Variants in ATG2B observed in about 807,000 individuals in gnomAD.
ATG2B encodes the protein autophagy-related protein 2 homolog B.
ATG2B carries 121 observed loss-of-function variants against 241.3 expected under a neutral mutation model. The observed-to-expected ratio is 0.50, with a 90% CI of 0.43 to 0.58. The LOEUF (loss-of-function observed/expected upper bound fraction) is 0.58. Among genes scored for constraint, ATG2B ranks in the 20% least tolerant of loss-of-function variants. ATG2B has a pLI of 0.00. For missense variants in ATG2B, 2,306 were observed against 2,491.6 expected (o/e 0.93, Z 1.59); for synonymous variants, 858 against 876.6 (o/e 0.98, Z 0.37).
intron 41 of ATG2B, among the ~76,000 whole-genome samples, chr14:96,286,813 G>A (rs997454376): frequency 1.3e-5 from 2 of 152,004 alleles, no homozygotes; most frequent in African/African-American, 2.4e-5. Flanking sequence ...CTTCAGTGAT[G>A]GGGACAGCAT....
Position 96,279,207 on chromosome 14 carries a change from GA to G in ATG2B, c.*6547del, listed in dbSNP as rs1366360903. 1 of 151,966 alleles carries G rather than the reference GA, an allele frequency of 6.6e-6. No individual in the cohort carries two copies. Among genetic ancestry groups the G allele is most frequent in the African/African-American group, 2.4e-5 (1 of 41,290 alleles). 9.4% of individuals were successfully genotyped at this position (151,966 alleles called of 1,614,324 possible). On this transcript the variant is annotated 3_prime_UTR_variant, in exon 42 of 42. Coordinates refer to ENST00000359933, the MANE Select transcript of ATG2B (RefSeq NM_018036.7). Reference sequence around the variant, plus strand: ...GCCACATAGGAAATAGTCAATCAATGATGAACTTTTATTTCATATATATTTA... The same window carrying G: ...GCCACATAGGAAATAGTCAATCAATGTGAACTTTTATTTCATATATATTTA...
chr14:96,358,248 C>A (rs1362375680), intron 1 of ATG2B, among the ~76,000 whole-genome samples: 3 of 152,004 alleles, frequency 2.0e-5, no homozygotes, highest in Admixed American at 6.6e-5. Context: ...TCAGCCTGGG[C>A]AACATAGTGA....
At chr14:96,336,334 C>G (rs1887867746) in intron 6 of ATG2B, among the ~76,000 whole-genome samples, 1 of 152,120 alleles carries the variant, frequency 6.6e-6, no homozygotes, top group Non-Finnish European at 1.5e-5. Flanking sequence ...AAATCCAGAA[C>G]TTGTCTTTTT....
intron 34 of ATG2B, among the ~76,000 whole-genome samples, chr14:96,296,322 C>A (rs1196233528): frequency 6.6e-6 from 1 of 152,148 alleles, no homozygotes; most frequent in Admixed American, 6.5e-5. Context: ...ACAAAAACTG[C>A]ATGGCTCTGT....
intron 34 of ATG2B, among the ~76,000 whole-genome samples, chr14:96,296,943 T>C (rs947055854): frequency 3.1e-4 from 47 of 152,048 alleles, no homozygotes; most frequent in African/African-American, 1.1e-3. Context: ...GAGAAGGATA[T>C]CCTAGGTAAC....
intron 29 of ATG2B, among the ~76,000 whole-genome samples, chr14:96,307,175 G>A (rs889397157): frequency 6.6e-6 from 1 of 152,116 alleles, no homozygotes; most frequent in Non-Finnish European, 1.5e-5. Context: ...ACTTTAGAAG[G>A]CCGAGATGGG....
At chr14:96,344,616 C>A (rs374009960) in intron 4 of ATG2B, 38 bp downstream of exon 4, 3 of 1,199,538 alleles carry the variant, frequency 2.5e-6, no homozygotes, top group Admixed American at 3.9e-5. Context: ...ATCAGAGTTA[C>A]AATAGGGTCA....
intron 29 of ATG2B, among the ~76,000 whole-genome samples, chr14:96,308,273 TA>T (rs1887049082): frequency 7.6e-5 from 3 of 39,424 alleles, no homozygotes; most frequent in Admixed American, 2.8e-4. Flanking sequence ...TATATATATA[TA>T]TATATATATT....
intron 2 of ATG2B, among the ~76,000 whole-genome samples, chr14:96,346,597 T>C (rs960609335): frequency 6.6e-6 from 1 of 152,200 alleles, no homozygotes; most frequent in African/African-American, 2.4e-5. Flanking sequence ...CCAACATACC[T>C]GTCACCTAGA....
chr14:96,357,269 T>C (rs1252276276), intron 1 of ATG2B, among the ~76,000 whole-genome samples: 1 of 152,212 alleles, frequency 6.6e-6, no homozygotes, highest in Admixed American at 6.5e-5. Flanking sequence ...TCCTTTACAA[T>C]TTAAAATGTT....
At chr14:96,321,539 G>A (rs1887457004) in intron 18 of ATG2B, among the ~76,000 whole-genome samples, 1 of 152,116 alleles carries the variant, frequency 6.6e-6, no homozygotes, top group Non-Finnish European at 1.5e-5. Flanking sequence ...TTACAGAAGA[G>A]GATGCTGAGT....
In ATG2B at chr14:96,322,195, A is replaced by T. The variant is rs1320920981; in HGVS notation, c.2796T>A (p.Asn932Lys). Reference protein sequence around the residue: ...MTEFQDKAISNSHYVLELTLP... With the variant: ...MTEFQDKAISKSHYVLELTLP... ...ACGTAAGTTCCAGCACATAGTGAGA[A>T]TTGCTGATTGCTTTATCCTGAAATT... is the stretch of plus-strand genomic sequence containing the variant. The change falls in exon 18 of 42, where the codon AAT (asparagine) becomes AAA (lysine). Residue 932 changes from asparagine to lysine, a missense_variant. Asn to Lys is a moderately conservative substitution (Grantham distance 94, BLOSUM62 0). Around this residue, in one of 2 missense-constraint regions of ATG2B, gnomAD observed 1,927 missense variants for 2,011.2 expected, o/e 0.96. Transcript: ENST00000359933. The T allele has an allele frequency of 6.3e-7, 1 of 1,595,000 alleles. No individual in the cohort carries two copies. Among genetic ancestry groups the T allele is most frequent in the East Asian group, 2.3e-5 (1 of 44,142 alleles).
At chr14:96,332,214 GA>G (rs67341952) in intron 10 of ATG2B, 90 bp downstream of exon 10, 108,028 of 782,660 alleles carry the variant, frequency 0.14, 43 homozygotes, top group South Asian at 0.16. Flanking sequence ...GCCAAGACCA[GA>G]AAAAAAAAAA....
intron 25 of ATG2B, 137 bp downstream of exon 25, chr14:96,312,928 T>C: frequency 2.2e-6 from 1 of 460,216 alleles, no homozygotes; most frequent in Non-Finnish European, 3.7e-6. Flanking sequence ...AATTGGGTAA[T>C]TTGGGTAAAA....
intron 1 of ATG2B, among the ~76,000 whole-genome samples, chr14:96,350,339 A>ACCT (rs1419150552): frequency 6.6e-6 from 1 of 152,178 alleles, no homozygotes; most frequent in African/African-American, 2.4e-5. Flanking sequence ...GCAAACAGAG[A>ACCT]CATAGAAGGA....
chr14:96,349,900 CT>C (rs2139902693), intron 1 of ATG2B, among the ~76,000 whole-genome samples: 1 of 152,210 alleles, frequency 6.6e-6, no homozygotes, highest in African/African-American at 2.4e-5. Flanking sequence ...TGACTCACGC[CT>C]TTAACTCCAA....
At position 96,281,054 on chromosome 14, in the gene ATG2B, C is replaced by T. The variant is rs74748603; in HGVS notation, c.*4701G>A. ...CTAATAGAGGGACTAAAATCCAAAG[C>T]AGGGAGGGAAGAACTGTTAAAACTC... On this transcript the variant is annotated 3_prime_UTR_variant, in exon 42 of 42. Coordinates refer to ENST00000359933, the MANE Select transcript of ATG2B (RefSeq NM_018036.7). The T allele has an allele frequency of 6.6e-6, 1 of 152,166 alleles. No homozygotes were observed. Among genetic ancestry groups the T allele is most frequent in the Non-Finnish European group, 1.5e-5 (1 of 68,006 alleles). 9.4% of individuals were successfully genotyped at this position (152,166 alleles called of 1,614,324 possible). A position where few individuals can be genotyped will look rare whatever the true frequency, so the allele number is the denominator to read the frequency against.
chr14:96,290,533 C>T lies in ATG2B; in HGVS notation c.5759G>A (p.Arg1920His), dbSNP rs751967764. The T allele has an allele frequency of 3.3e-5, 53 of 1,614,074 alleles. No homozygotes were observed. The highest frequency in any genetic ancestry group is 5.3e-5 in the African/African-American group (4 of 74,926). ...GCCTCTCTGAAACCCTCTGACAATG[C>T]GGCCATCCTTCCGGTACTGCTCTAT... The part of the protein sequence containing the change: ...LPIEQYRKDG[R>H]IVRGFQRGAA... Residue 1920 changes from arginine to histidine, a missense_variant, in exon 40 of 42, where the codon CGC becomes CAC. Physicochemically the swap from Arg to His is conservative, Grantham distance 29. Coordinates refer to ENST00000359933, the MANE Select transcript of ATG2B (RefSeq NM_018036.7). This position sits in a 1 kb window ranked among gnomAD's most constrained non-coding sequence, Gnocchi z 4.4.
chr14:96,321,275 T>C (rs1887450048), intron 18 of ATG2B, among the ~76,000 whole-genome samples: 1 of 152,288 alleles, frequency 6.6e-6, no homozygotes, highest in East Asian at 1.9e-4. Flanking sequence ...TTTCTGAAGA[T>C]TAATGGAAAC....
Sources: allele counts gnomAD v4.1 joint callset (sites outside exome capture counted in the v4.1 genomes callset), GRCh38; gene constraint gnomAD v4.1.1; regional missense constraint gnomAD v4.1.1; non-coding constraint Gnocchi (gnomAD v3.1); transcripts MANE v1.5; gene names NCBI Gene and HGNC (gene_info 2026-07-23, HGNC 2026-07-21).